GAS2: variants seen among roughly 807,000 people sequenced by gnomAD.
GAS2 encodes growth arrest-specific protein 2.
Under a neutral mutation model 37.5 loss-of-function variants are expected in GAS2, and 20 were observed. The ratio of observed to expected loss-of-function variants is 0.53; its 90% CI spans 0.37 to 0.77. The LOEUF (loss-of-function observed/expected upper bound fraction) is 0.77. GAS2 is among the 30% of genes least tolerant of loss of function. The pLI, the probability that GAS2 is intolerant of heterozygous loss-of-function variation, is 0.00. For synonymous variants in GAS2, 144 were observed against 132.2 expected (o/e 1.09, Z -0.61); for missense variants, 336 against 373.4 (o/e 0.90, Z 0.82).
chr11:22,724,871 T>TA (rs1377593192), intron 3 of GAS2, among the ~76,000 whole-genome samples: 1 of 152,062 alleles, frequency 6.6e-6, no homozygotes, highest in Non-Finnish European at 1.5e-5. Context: ...AGAACTCTAG[T>TA]AAGAGTTGCA....
At chr11:22,809,745 C>T (rs934966434) in intron 7 of GAS2, among the ~76,000 whole-genome samples, 2 of 151,626 alleles carry the variant, frequency 1.3e-5, no homozygotes, top group Admixed American at 6.6e-5. Context: ...CCACCCACCT[C>T]GGCCTCCCAA....
At chr11:22,782,475 G>A (rs571389521) in intron 7 of GAS2, among the ~76,000 whole-genome samples, 2 of 152,114 alleles carry the variant, frequency 1.3e-5, no homozygotes, top group Non-Finnish European at 2.9e-5. Flanking sequence ...ATATTGCCCA[G>A]TGCTGAGGTT....
intron 3 of GAS2, among the ~76,000 whole-genome samples, chr11:22,702,971 T>C (rs1369424248): frequency 6.6e-6 from 1 of 152,148 alleles, no homozygotes; most frequent in Admixed American, 6.6e-5. Context: ...CCATAATATA[T>C]TGTTTGGTAG....
At chr11:22,698,761 A>T (rs1850674589) in intron 3 of GAS2, among the ~76,000 whole-genome samples, 1 of 152,202 alleles carries the variant, frequency 6.6e-6, no homozygotes, top group African/African-American at 2.4e-5. Context: ...AGAACCAAAG[A>T]TAAAACATTG....
intron 7 of GAS2, among the ~76,000 whole-genome samples, chr11:22,778,410 T>C (rs529771898): frequency 6.6e-6 from 1 of 152,296 alleles, no homozygotes; most frequent in East Asian, 1.9e-4. Context: ...AATATACAGG[T>C]AATTTTGAGT....
At position 22,637,213 on chromosome 11, in the gene GAS2, G is replaced by A. The variant is rs1463395059; in HGVS notation, c.-21+11400G>A. Among the ~76,000 whole-genome samples the A allele has an allele frequency of 4.3e-4, 44 of 102,794 alleles. 2 individuals carry two copies. The highest frequency in any genetic ancestry group is 9.4e-4 in the Admixed American group (8 of 8,482). The allele number at this position is 102,794 out of a possible 152,430, so 67.4% of individuals were successfully genotyped here. A position where few individuals can be genotyped will look rare whatever the true frequency, so the allele number is the denominator to read the frequency against. The stretch of plus-strand genomic sequence containing the variant: ...AATATTATATTAATATATTACTTAT[G>A]TTAATAGTATACTAATATAATATTA... On this transcript the variant is annotated intron_variant, in intron 1 of 5. Transcript: ENST00000528582.
chr11:22,721,822 A>G (rs146222415), intron 3 of GAS2, among the ~76,000 whole-genome samples: 1,921 of 152,088 alleles, frequency 0.013, 35 homozygotes, highest in African/African-American at 0.044. Context: ...TTGGCAGTCT[A>G]TTTCTGAATT....
At chr11:22,707,123 G>C (rs1851166212) in intron 3 of GAS2, among the ~76,000 whole-genome samples, 1 of 152,172 alleles carries the variant, frequency 6.6e-6, no homozygotes, top group African/African-American at 2.4e-5. Context: ...GCAGAGCTTG[G>C]TGATAAATTG....
At chr11:22,788,064 A>G (rs1405010539) in intron 7 of GAS2, among the ~76,000 whole-genome samples, 1 of 152,120 alleles carries the variant, frequency 6.6e-6, no homozygotes, top group Non-Finnish European at 1.5e-5. Flanking sequence ...TTAAGTTTGT[A>G]TTTAAGCAAG....
chr11:22,759,474 T>A (rs954537467), intron 7 of GAS2, among the ~76,000 whole-genome samples: 6 of 152,202 alleles, frequency 3.9e-5, no homozygotes, highest in Non-Finnish European at 8.8e-5. Context: ...AAATGGGAAT[T>A]TTTTTTGTTT....
intron 7 of GAS2, among the ~76,000 whole-genome samples, chr11:22,787,264 C>T (rs995560634): frequency 6.6e-5 from 10 of 152,116 alleles, no homozygotes; most frequent in Admixed American, 5.9e-4. Context: ...GTTGCTCAAT[C>T]TCTCTGATCC....
chr11:22,663,195 C>T (rs756153118), upstream of GAS2, among the ~76,000 whole-genome samples: 12 of 151,966 alleles, frequency 7.9e-5, no homozygotes, highest in Non-Finnish European at 1.5e-5. Context: ...GGAAACGGAC[C>T]CCATGATCCA....
At chr11:22,685,036 A>G (rs1275945758) in intron 2 of GAS2, among the ~76,000 whole-genome samples, 1 of 152,096 alleles carries the variant, frequency 6.6e-6, no homozygotes, top group Non-Finnish European at 1.5e-5. Flanking sequence ...CCTAGATTAC[A>G]TGACTGTAAT....
At chr11:22,654,252 A>G (rs1332751633) in intron 1 of GAS2, among the ~76,000 whole-genome samples, 1 of 152,202 alleles carries the variant, frequency 6.6e-6, no homozygotes, top group Non-Finnish European at 1.5e-5. Context: ...GCTTAATTCA[A>G]AACTAGGCTA....
At chr11:22,652,771 T>C (rs1590574374) in intron 1 of GAS2, among the ~76,000 whole-genome samples, 1 of 152,338 alleles carries the variant, frequency 6.6e-6, no homozygotes, top group South Asian at 2.1e-4. Flanking sequence ...TGCCTCGCCC[T>C]GCTTCGGCTC....
rs147250499 is a variant in GAS2, at chr11:22,730,331, C to T, written c.409+3898C>T. Among the ~76,000 whole-genome samples, 71 of 151,652 alleles carry T rather than the reference C, an allele frequency of 4.7e-4. 1 individual carries two copies. The highest frequency in any genetic ancestry group is 1.7e-3 in the African/African-American group (71 of 41,444). On this transcript the variant is annotated intron_variant, in intron 4 of 7. Coordinates refer to ENST00000454584, the MANE Select transcript of GAS2 (RefSeq NM_001143830.3). ...TGATTTATATTATGATGCAATTGGA[C>T]CAATTAGCCTAGATATTTATTGACA...
intron 7 of GAS2, among the ~76,000 whole-genome samples, chr11:22,756,646 A>G (rs966116498): frequency 2.0e-5 from 3 of 152,136 alleles, no homozygotes; most frequent in African/African-American, 7.2e-5. Context: ...AGGCCCTGCA[A>G]CATGTAGTTG....
At chr11:22,687,701 C>G (rs374189927) in intron 3 of GAS2, among the ~76,000 whole-genome samples, 28 of 152,256 alleles carry the variant, frequency 1.8e-4, no homozygotes, top group African/African-American at 6.7e-4. Context: ...TTCTTCTGCT[C>G]TCATTTCCAT....
intron 1 of GAS2, among the ~76,000 whole-genome samples, chr11:22,651,043 G>T (rs1373080233): frequency 4.6e-5 from 7 of 152,186 alleles, no homozygotes; most frequent in African/African-American, 1.4e-4. Context: ...GCATGATTTT[G>T]CAGCAGCTGG....
Sources: gnomAD v4.1 joint callset for allele counts (sites outside exome capture counted in the v4.1 genomes callset) on GRCh38, gnomAD v4.1.1 for gene constraint, MANE v1.5 for transcripts, NCBI Gene and HGNC (gene_info 2026-07-23, HGNC 2026-07-21) for gene names.